Variants in ITGAE observed in about 807,000 individuals in gnomAD.
ITGAE encodes integrin subunit alpha E, also known as integrin alpha-E.
A neutral mutation model predicts 136.5 loss-of-function variants in ITGAE; 99 were observed. The observed-to-expected ratio is 0.73, with a 90% CI of 0.62 to 0.86. ITGAE has a LOEUF of 0.86. Among genes scored for constraint, ITGAE ranks in the 40% least tolerant of loss-of-function variants. The pLI is 0.00. For synonymous variants in ITGAE, 613 were observed against 591.8 expected (o/e 1.04, Z -0.52); for missense variants, 1,447 against 1,515.3 (o/e 0.95, Z 0.75).
At chr17:3,736,733 C>T (rs896034334) in intron 20 of ITGAE, among the ~76,000 whole-genome samples, 9 of 152,234 alleles carry the variant, frequency 5.9e-5, no homozygotes, top group African/African-American at 9.6e-5. Flanking sequence ...TTAGCAATAC[C>T]GAGAAAACTG....
chr17:3,739,787 C>T lies in ITGAE; in HGVS notation c.2522+18G>A, dbSNP rs781480597. ...GGAGAAGGTTAATCGAGGAAACTGA[C>T]GGCTATGTCCAACTCACTGAGAGAC... On this transcript the variant is annotated intron_variant, in intron 20 of 30. Transcript: ENST00000263087. The T allele has an allele frequency of 1.9e-5, 31 of 1,609,792 alleles. No homozygotes were observed. The highest frequency in any genetic ancestry group is 5.5e-5 in the South Asian group (5 of 91,004).
intron 1 of ITGAE, among the ~76,000 whole-genome samples, chr17:3,780,093 C>T (rs1292628616): frequency 6.6e-6 from 1 of 152,158 alleles, no homozygotes; most frequent in African/African-American, 2.4e-5. Context: ...CCTGCCTCAG[C>T]CTCCCGAGTA....
Position 3,743,595 on chromosome 17 carries a change from GAGA to G in ITGAE, c.2339_2341del (p.Phe780del), listed in dbSNP as rs778879818. On this transcript the variant is annotated inframe_deletion, in exon 19 of 31. Coordinates refer to ENST00000263087, the MANE Select transcript of ITGAE (RefSeq NM_002208.5). ...GTAGCTGACTTTGACACTGGCATTG[GAGA>G]AGCAGTCCTCCTCACAGAGCTGTGG... is the stretch of plus-strand genomic sequence containing the variant. 3.1e-6 allele frequency: 5 copies of G among 1,613,516 alleles called. No homozygotes were observed. The highest frequency in any genetic ancestry group is 4.2e-6 in the Non-Finnish European group (5 of 1,179,762).
At position 3,798,572 on chromosome 17, in the gene ITGAE, C is replaced by T. The variant is rs1222168701; in HGVS notation, c.34+2539G>A. Among the ~76,000 whole-genome samples, 1 of 152,190 alleles carries T rather than the reference C, an allele frequency of 6.6e-6. No individual in the cohort carries two copies. Among genetic ancestry groups the T allele is most frequent in the African/African-American group, 2.4e-5 (1 of 41,446 alleles). On this transcript the variant is annotated intron_variant, in intron 1 of 30. Transcript: ENST00000263087. This position sits in a 1 kb window ranked among gnomAD's most constrained non-coding sequence, Gnocchi z 4.3. ...CTCAGATGCTACAGTCTCCCACTCCCCAAGGACTGAGGTTTTCTATCACGC... is the reference window on the plus strand; with the variant it reads ...CTCAGATGCTACAGTCTCCCACTCCTCAAGGACTGAGGTTTTCTATCACGC...
At chr17:3,768,300 T>C (rs1015751897) in intron 2 of ITGAE, among the ~76,000 whole-genome samples, 2 of 152,156 alleles carry the variant, frequency 1.3e-5, no homozygotes, top group African/African-American at 4.8e-5. Flanking sequence ...AATTTTCTTA[T>C]GTTTTGTAGA....
rs116405008 is a variant in ITGAE, at chr17:3,775,693, T to A, written c.155+1847A>T. ...CAGGTTGGCCAGCCTAGGTCTCGAATTCCTGACCTCAGGTGATCCACCGGC... is the reference window on the plus strand; with the variant it reads ...CAGGTTGGCCAGCCTAGGTCTCGAAATCCTGACCTCAGGTGATCCACCGGC... On this transcript the variant is annotated intron_variant, in intron 2 of 30. Coordinates refer to ENST00000263087, the MANE Select transcript of ITGAE (RefSeq NM_002208.5). 9.1e-3 allele frequency among the ~76,000 whole-genome samples: 1,376 copies of A among 151,736 alleles called. 32 individuals carry two copies. Among genetic ancestry groups the A allele is most frequent in the African/African-American group, 0.031 (1,271 of 41,310 alleles).
Position 3,798,348 on chromosome 17 carries a change from A to G in ITGAE, c.34+2763T>C, listed in dbSNP as rs2053172002. On this transcript the variant is annotated intron_variant, in intron 1 of 30. Coordinates refer to ENST00000263087, the MANE Select transcript of ITGAE (RefSeq NM_002208.5). This position sits in a 1 kb window ranked among gnomAD's most constrained non-coding sequence, Gnocchi z 4.3. ...CACCTCCAGGGCCCAGCATGTCCCG[A>G]TTTGGGGCGGGGCTGGAAGGGAAAG... is the stretch of plus-strand genomic sequence containing the variant. Among the ~76,000 whole-genome samples the G allele has an allele frequency of 6.6e-6, 1 of 152,058 alleles. No homozygotes were observed. Among genetic ancestry groups the G allele is most frequent in the East Asian group, 1.9e-4 (1 of 5,186 alleles).
intron 17 of ITGAE, 130 bp from the exon 18 acceptor site, chr17:3,746,057 C>T (rs1026088101): frequency 1.3e-6 from 1 of 776,478 alleles, no homozygotes; most frequent in Non-Finnish European, 2.0e-6. Context: ...TTCCCTGCGG[C>T]TGGACTCCTG....
intron 2 of ITGAE, among the ~76,000 whole-genome samples, chr17:3,776,962 CTTTT>C (rs72345629): frequency 7.2e-6 from 1 of 138,052 alleles, no homozygotes; most frequent in Non-Finnish European, 1.6e-5. Flanking sequence ...TTAAAATTGT[CTTTT>C]TTTTTTTTTT....
At chr17:3,770,952 A>G (rs1200016377) in intron 2 of ITGAE, among the ~76,000 whole-genome samples, 2 of 152,152 alleles carry the variant, frequency 1.3e-5, no homozygotes, top group Admixed American at 6.6e-5. Flanking sequence ...GAAAACGCTG[A>G]CTGAAACCTG....
At chr17:3,760,922 C>G in intron 6 of ITGAE, 91 bp downstream of exon 6, 1 of 1,500,354 alleles carries the variant, frequency 6.7e-7, no homozygotes, top group Admixed American at 2.2e-5. Flanking sequence ...CTCCCCATCT[C>G]TCAGACTGAG....
chr17:3,795,221 G>A (rs897363924), intron 1 of ITGAE, among the ~76,000 whole-genome samples: 1 of 152,168 alleles, frequency 6.6e-6, no homozygotes, highest in Non-Finnish European at 1.5e-5. Flanking sequence ...TCTGGATCAG[G>A]GTGATCTGTG....
rs1268909837 is a variant in ITGAE, at chr17:3,785,541, A to AGGAC, written c.35-7882_35-7881insGTCC. Among the ~76,000 whole-genome samples the AGGAC allele has an allele frequency of 4.7e-5, 7 of 147,756 alleles. 1 individual carries two copies. Among genetic ancestry groups the AGGAC allele is most frequent in the East Asian group, 3.9e-4 (2 of 5,126 alleles). On this transcript the variant is annotated intron_variant, in intron 1 of 30. Transcript: ENST00000263087. ...AAGGAAGGAAGGAAGGAAGGAAGGAAGGAAGGAAGGAAGGAAAACTAGAAA... is the reference window on the plus strand; with the variant it reads ...AAGGAAGGAAGGAAGGAAGGAAGGAAGGACGGAAGGAAGGAAGGAAAACTAGAAA...
At chr17:3,762,738 C>T (rs1027091575) in intron 3 of ITGAE, among the ~76,000 whole-genome samples, 1 of 151,104 alleles carries the variant, frequency 6.6e-6, no homozygotes, top group Admixed American at 6.6e-5. Flanking sequence ...GCTGGGACTA[C>T]GTGTGCCCGT....
At chr17:3,784,027 G>A (rs932571306) in intron 1 of ITGAE, among the ~76,000 whole-genome samples, 3 of 152,176 alleles carry the variant, frequency 2.0e-5, no homozygotes, top group Admixed American at 6.5e-5. Context: ...TTGGGAGGCC[G>A]AGGCGGGCGG....
intron 1 of ITGAE, among the ~76,000 whole-genome samples, chr17:3,788,479 T>G (rs1405700121): frequency 6.9e-6 from 1 of 144,118 alleles, no homozygotes; most frequent in African/African-American, 2.5e-5. Context: ...TTTTTTTTTT[T>G]GGTAGAGGCG....
At chr17:3,729,711 CA>C in intron 23 of ITGAE, 156 bp from the exon 24 acceptor site, 1 of 616,696 alleles carries the variant, frequency 1.6e-6, no homozygotes, top group Non-Finnish European at 3.1e-6. Context: ...TCTCATGCCT[CA>C]GCCTCCTGAG....
chr17:3,786,950 G>A (rs1367329489), intron 1 of ITGAE, among the ~76,000 whole-genome samples: 2 of 150,578 alleles, frequency 1.3e-5, no homozygotes, highest in Admixed American at 6.6e-5. Flanking sequence ...TTCGGAAATG[G>A]AAGAGTGGTT....
Position 3,725,248 on chromosome 17 carries a change from C to T in ITGAE, c.3085-1504G>A, listed in dbSNP as rs757280307. 19 of 1,614,190 alleles carry T rather than the reference C, an allele frequency of 1.2e-5. No individual in the cohort carries two copies. The South Asian group carries it at 1.9e-4, about 16-fold the overall frequency. On this transcript the variant is annotated intron_variant, in intron 26 of 30. Transcript: ENST00000263087. ...AGTGGTGCTCCGTCCTCTTGGCACTCCTCCTCTATGTATTTGCTAAGCCCC... is the reference window on the plus strand; with the variant it reads ...AGTGGTGCTCCGTCCTCTTGGCACTTCTCCTCTATGTATTTGCTAAGCCCC...
Sources: allele counts gnomAD v4.1 joint callset (sites outside exome capture counted in the v4.1 genomes callset), GRCh38; gene constraint gnomAD v4.1.1; non-coding constraint Gnocchi (gnomAD v3.1); transcripts MANE v1.5; gene names NCBI Gene and HGNC (gene_info 2026-07-23, HGNC 2026-07-21).